PRKCB: variants seen among roughly 807,000 people sequenced by gnomAD.
PRKCB encodes protein kinase C beta.
PRKCB carries 13 observed loss-of-function variants against 81.5 expected under a neutral mutation model. The observed-to-expected ratio is 0.16, with a 90% CI of 0.10 to 0.25. PRKCB has a LOEUF of 0.25. PRKCB is among the 10% of genes least tolerant of loss of function. The pLI is 1.00. For synonymous variants in PRKCB, 335 were observed against 321.4 expected (o/e 1.04, Z -0.45); for missense variants, 509 against 875.7 (o/e 0.58, Z 5.29).
At chr16:24,054,783 G>A (rs748325796) in intron 5 of PRKCB, among the ~76,000 whole-genome samples, 3 of 152,224 alleles carry the variant, frequency 2.0e-5, no homozygotes, top group Non-Finnish European at 4.4e-5. Context: ...AGCACGAATC[G>A]TTCTAACAGT....
intron 9 of PRKCB, among the ~76,000 whole-genome samples, chr16:24,135,620 A>T (rs1316649947): frequency 6.6e-6 from 1 of 152,106 alleles, no homozygotes; most frequent in Non-Finnish European, 1.5e-5. Context: ...GCCTCACAGC[A>T]TCATCTGCTG....
At chr16:24,001,128 G>T (rs140742019) in intron 3 of PRKCB, among the ~76,000 whole-genome samples, 2,763 of 152,150 alleles carry the variant, frequency 0.018, 31 homozygotes, top group Non-Finnish European at 0.024. Flanking sequence ...CTCTATAAGG[G>T]ATACAGGTTA....
At chr16:24,152,103 C>T (rs529235713) in intron 9 of PRKCB, among the ~76,000 whole-genome samples, 2 of 152,096 alleles carry the variant, frequency 1.3e-5, no homozygotes, top group Admixed American at 6.5e-5. Context: ...TGTATTAGTC[C>T]GTTTTCATGC....
chr16:24,114,324 C>T (rs1393631196), intron 8 of PRKCB, among the ~76,000 whole-genome samples: 2 of 150,644 alleles, frequency 1.3e-5, no homozygotes, highest in Non-Finnish European at 3.0e-5. Context: ...GCTGAGTCAA[C>T]TAGGCTTGCT....
At position 24,178,173 on chromosome 16, in the gene PRKCB, TG is replaced by T. The variant is rs1217056855; in HGVS notation, c.1395-2614del. On this transcript the variant is annotated intron_variant, in intron 12 of 16. Transcript: ENST00000643927. Reference sequence around the variant, plus strand: ...ACCATCTTTAAGGAACTGGAGATGTTGGGTTGTGGGGTGGGAAGGGAAAAAG... The same window carrying T: ...ACCATCTTTAAGGAACTGGAGATGTTGGTTGTGGGGTGGGAAGGGAAAAAG... Among the ~76,000 whole-genome samples the T allele has an allele frequency of 2.6e-5, 4 of 152,200 alleles. No homozygotes were observed. The East Asian group carries it at 7.7e-4, about 29-fold the overall frequency.
At chr16:24,046,692 G>A (rs1021829130) in intron 5 of PRKCB, among the ~76,000 whole-genome samples, 8 of 152,120 alleles carry the variant, frequency 5.3e-5, no homozygotes, top group African/African-American at 1.7e-4. Flanking sequence ...CTGGAGCCTC[G>A]GGATGGGGAG....
intron 7 of PRKCB, among the ~76,000 whole-genome samples, chr16:24,112,682 T>C (rs1315467342): frequency 6.6e-6 from 1 of 152,126 alleles, no homozygotes; most frequent in Non-Finnish European, 1.5e-5. Flanking sequence ...AAGAAAACTG[T>C]GTAAGTGTGT....
At chr16:24,187,250 C>A (rs1252757572) in intron 15 of PRKCB, among the ~76,000 whole-genome samples, 1 of 152,232 alleles carries the variant, frequency 6.6e-6, no homozygotes. Flanking sequence ...GAAACCATGG[C>A]CCTCTGTAGT....
chr16:24,017,342 G>A (rs1965292656), intron 3 of PRKCB, among the ~76,000 whole-genome samples: 1 of 152,216 alleles, frequency 6.6e-6, no homozygotes, highest in East Asian at 1.9e-4. Flanking sequence ...GAGAGCTCAT[G>A]CTAAAATGAA....
chr16:23,838,995 T>C (rs1962217577), intron 2 of PRKCB, among the ~76,000 whole-genome samples: 1 of 152,236 alleles, frequency 6.6e-6, no homozygotes. Context: ...GTGTAATTTC[T>C]TCTTTGAGGT....
intron 9 of PRKCB, among the ~76,000 whole-genome samples, chr16:24,140,410 T>C (rs1966887325): frequency 6.6e-6 from 1 of 152,156 alleles, no homozygotes; most frequent in South Asian, 2.1e-4. Context: ...TAGAGCCGAT[T>C]TCTCAAGAGG....
At chr16:24,064,130 G>A (rs1234511842) in intron 5 of PRKCB, among the ~76,000 whole-genome samples, 3 of 151,940 alleles carry the variant, frequency 2.0e-5, no homozygotes, top group Non-Finnish European at 4.4e-5. Flanking sequence ...GGCAGTTGGG[G>A]AGGAGGAGAA....
chr16:24,117,656 G>T (rs1053753348), intron 8 of PRKCB, among the ~76,000 whole-genome samples: 1 of 152,196 alleles, frequency 6.6e-6, no homozygotes, highest in African/African-American at 2.4e-5. Flanking sequence ...CCCAGAAACA[G>T]ACTATAAGGA....
At chr16:23,898,647 G>T (rs1401067576) in intron 2 of PRKCB, among the ~76,000 whole-genome samples, 1 of 152,150 alleles carries the variant, frequency 6.6e-6, no homozygotes, top group Non-Finnish European at 1.5e-5. Context: ...AAAACTAGGT[G>T]AAGATTGGCA....
intron 5 of PRKCB, among the ~76,000 whole-genome samples, chr16:24,085,616 C>A (rs1966302660): frequency 6.6e-6 from 1 of 152,144 alleles, no homozygotes; most frequent in Non-Finnish European, 1.5e-5. Flanking sequence ...GTCACCCCCA[C>A]TATTATCCAA....
intron 2 of PRKCB, among the ~76,000 whole-genome samples, chr16:23,858,020 G>A (rs1435221811): frequency 6.6e-6 from 1 of 152,154 alleles, no homozygotes; most frequent in African/African-American, 2.4e-5. Flanking sequence ...CAAAGTTACA[G>A]TTAGGATTCA....
intron 11 of PRKCB, 129 bp from the exon 12 acceptor site, chr16:24,174,389 A>G (rs1967494467): frequency 1.3e-6 from 1 of 794,860 alleles, no homozygotes; most frequent in Admixed American, 2.6e-5. Context: ...TTTATGAGCT[A>G]TATAGCTGAC....
At chr16:24,204,648 A>G (rs538183009) in intron 16 of PRKCB, among the ~76,000 whole-genome samples, 4 of 152,150 alleles carry the variant, frequency 2.6e-5, no homozygotes, top group African/African-American at 7.2e-5. Flanking sequence ...TTTAGAGTGT[A>G]TTTCATCTAG....
intron 10 of PRKCB, among the ~76,000 whole-genome samples, chr16:24,162,731 G>A (rs1237553197): frequency 6.6e-6 from 1 of 152,080 alleles, no homozygotes; most frequent in Non-Finnish European, 1.5e-5. Flanking sequence ...TGGAATTACA[G>A]GCATGAGCCA....
Sources: allele counts gnomAD v4.1 joint callset (sites outside exome capture counted in the v4.1 genomes callset), GRCh38; gene constraint gnomAD v4.1.1; transcripts MANE v1.5; gene names NCBI Gene and HGNC (gene_info 2026-07-23, HGNC 2026-07-21).